Variants in DOCK8 observed in about 807,000 individuals in gnomAD.
The protein encoded by DOCK8 is dedicator of cytokinesis protein 8.
Under a neutral mutation model 245.6 loss-of-function variants are expected in DOCK8, and 141 were observed. The observed-to-expected ratio is 0.57, with a 90% CI of 0.50 to 0.66. The LOEUF (loss-of-function observed/expected upper bound fraction) is 0.66, where lower values mean the gene tolerates loss of function less well. DOCK8 is among the 30% of genes least tolerant of loss of function. The probability of loss-of-function intolerance (pLI) is 0.00; values close to 1 mark genes in which losing one functional copy is unlikely to be tolerated. For synonymous variants in DOCK8, 1,168 were observed against 970.2 expected, an observed-to-expected ratio of 1.20 and a Z score of -3.79; for missense variants, 2,965 against 2,603.4, an observed-to-expected ratio of 1.14 and a Z score of -3.02.
At position 371,685 on chromosome 9, in the gene DOCK8, T is replaced by G. The variant is rs1223896085; in HGVS notation, c.2007+119T>G. ...TTTTCCAGTCAGAAGTAGCAAAACA[T>G]GCTAAGCCACATTATAGCAAGAGGC... On this transcript the variant is annotated intron_variant, in intron 17 of 47. Coordinates refer to ENST00000432829, the MANE Select transcript of DOCK8 (RefSeq NM_203447.4). The G allele has an allele frequency of 1.5e-5, 20 of 1,370,326 alleles. No homozygotes were observed. In the Admixed American group the frequency reaches 3.8e-4, roughly 26 times the overall value. 84.9% of individuals were successfully genotyped at this position (1,370,326 alleles called of 1,614,324 possible). A position where few individuals can be genotyped will look rare whatever the true frequency, so the allele number is the denominator to read the frequency against.
At chr9:288,665 C>T (rs966354246) in intron 3 of DOCK8, among the ~76,000 whole-genome samples, 6 of 152,178 alleles carry the variant, frequency 3.9e-5, no homozygotes, top group African/African-American at 1.4e-4. Context: ...ACTCTTACTA[C>T]TCTAACAGCT....
chr9:388,406 C>T (rs1050574939), intron 23 of DOCK8, among the ~76,000 whole-genome samples: 29 of 152,174 alleles, frequency 1.9e-4, no homozygotes, highest in African/African-American at 5.5e-4. Context: ...ACCACTAACC[C>T]GCCTGGGATC....
chr9:386,455 C>T (rs748888347), intron 23 of DOCK8, 29 bp downstream of exon 23: 2 of 1,590,528 alleles, frequency 1.3e-6, no homozygotes, highest in Non-Finnish European at 1.7e-6. Context: ...TGAGGTTCAT[C>T]CCAGGATAAG....
intron 4 of DOCK8, among the ~76,000 whole-genome samples, chr9:294,119 G>C (rs1400536624): frequency 6.6e-6 from 1 of 152,218 alleles, no homozygotes; most frequent in Non-Finnish European, 1.5e-5. Context: ...AACTGTCCAT[G>C]TCAGAGCTAT....
chr9:237,557 A>G (rs150198732), intron 1 of DOCK8, among the ~76,000 whole-genome samples: 399 of 152,338 alleles, frequency 2.6e-3, no homozygotes, highest in African/African-American at 5.1e-3. Context: ...CAGGAGGCCA[A>G]GATGGAAGGA....
At chr9:332,952 C>T (rs2051094533) in intron 10 of DOCK8, among the ~76,000 whole-genome samples, 1 of 151,996 alleles carries the variant, frequency 6.6e-6, no homozygotes, top group Admixed American at 6.6e-5. Context: ...GTCACCATGC[C>T]CAGCCTGATG....
chr9:384,134 G>A (rs954872), intron 22 of DOCK8, among the ~76,000 whole-genome samples: 137,094 of 152,166 alleles, frequency 0.9, 61,922 homozygotes, highest in South Asian at 0.97. Flanking sequence ...TCATGACCTT[G>A]ACAGTTTTGA....
At chr9:362,249 T>C (rs1398180093) in intron 14 of DOCK8, among the ~76,000 whole-genome samples, 3 of 152,214 alleles carry the variant, frequency 2.0e-5, no homozygotes, top group Non-Finnish European at 2.9e-5. Context: ...GCATTCTCAT[T>C]GTGAAGGTTT....
chr9:264,260 G>T (rs1339311230), intron 1 of DOCK8, among the ~76,000 whole-genome samples: 1 of 152,202 alleles, frequency 6.6e-6, no homozygotes, highest in African/African-American at 2.4e-5. Context: ...TGAAGACAGT[G>T]AGAAATCCTT....
chr9:455,162 G>A (rs16909540), intron 46 of DOCK8, among the ~76,000 whole-genome samples: 21,777 of 152,136 alleles, frequency 0.14, 1,817 homozygotes, highest in African/African-American at 0.22. Flanking sequence ...ATGCTTCCCA[G>A]ACTTCACTGT....
At chr9:215,436 G>T (rs1049299987) in intron 1 of DOCK8, 1 of 1,501,236 alleles carries the variant, frequency 6.7e-7, no homozygotes, top group Non-Finnish European at 8.9e-7. Context: ...AGCGCGGGGG[G>T]AAGAAGTGAA....
chr9:458,836 T>C (rs1216936944), intron 46 of DOCK8, among the ~76,000 whole-genome samples: 1 of 151,914 alleles, frequency 6.6e-6, no homozygotes, highest in Non-Finnish European at 1.5e-5. Context: ...TACCAAGAGA[T>C]GCAGGGGGGG....
At chr9:371,634 A>G (rs1410187716) in intron 17 of DOCK8, 68 bp downstream of exon 17, 1 of 1,602,582 alleles carries the variant, frequency 6.2e-7, no homozygotes, top group Admixed American at 1.7e-5. Context: ...TGCAGAGATA[A>G]ACAACCAAAT....
intron 14 of DOCK8, chr9:365,716 T>C (rs1057391731): frequency 5.7e-5 from 25 of 438,672 alleles, no homozygotes; most frequent in Non-Finnish European, 1.0e-4. Context: ...AAGCAAAAGC[T>C]GGATTCAAAT....
chr9:375,818 G>A (rs564592859), intron 18 of DOCK8, among the ~76,000 whole-genome samples: 1 of 152,254 alleles, frequency 6.6e-6, no homozygotes, highest in Admixed American at 6.5e-5. Flanking sequence ...GCAACATGGT[G>A]AAACCACATT....
chr9:335,238 T>C (rs2051254257), intron 11 of DOCK8, among the ~76,000 whole-genome samples: 1 of 151,550 alleles, frequency 6.6e-6, no homozygotes, highest in Non-Finnish European at 1.5e-5. Flanking sequence ...TCACCCGTGA[T>C]CTGAATCATT....
chr9:441,243 C>T (rs1197496139), intron 40 of DOCK8, 43 bp from the exon 41 acceptor site: 4 of 1,613,402 alleles, frequency 2.5e-6, no homozygotes, highest in Non-Finnish European at 3.4e-6. Context: ...CTTAAGTTTC[C>T]AGTGGATTAA....
At chr9:241,140 T>C (rs2047365337) in intron 1 of DOCK8, among the ~76,000 whole-genome samples, 1 of 152,200 alleles carries the variant, frequency 6.6e-6, no homozygotes, top group African/African-American at 2.4e-5. Flanking sequence ...TGGTGGTACA[T>C]AGTGATGTTT....
chr9:389,607 G>A (rs569401917), intron 23 of DOCK8, among the ~76,000 whole-genome samples: 21 of 152,306 alleles, frequency 1.4e-4, no homozygotes, highest in African/African-American at 5.1e-4. Context: ...AGCAGCAGCA[G>A]CAGCAGCAGC....
Sources: gnomAD v4.1 joint callset for allele counts (sites outside exome capture counted in the v4.1 genomes callset) on GRCh38, gnomAD v4.1.1 for gene constraint, MANE v1.5 for transcripts, NCBI Gene and HGNC (gene_info 2026-07-23, HGNC 2026-07-21) for gene names.